PALM2AKAP2: variants seen among roughly 807,000 people sequenced by gnomAD.
PALM2AKAP2 encodes the protein PALM2 and AKAP2 fusion.
Under a neutral mutation model 71.5 loss-of-function variants are expected in PALM2AKAP2, and 37 were observed. The observed-to-expected ratio is 0.52, with a 90% CI of 0.40 to 0.68. PALM2AKAP2 has a LOEUF of 0.68. Ranked by LOEUF, PALM2AKAP2 falls within the 30% of genes least tolerant of loss-of-function variation. The probability of loss-of-function intolerance (pLI) is 0.00; values close to 1 mark genes in which losing one functional copy is unlikely to be tolerated. For missense variants in PALM2AKAP2, 1,224 were observed against 1,191.8 expected, an observed-to-expected ratio of 1.03 and a Z score of -0.40; for synonymous variants, 468 against 478.8, an observed-to-expected ratio of 0.98 and a Z score of 0.29.
intron 1 of PALM2AKAP2, among the ~76,000 whole-genome samples, chr9:109,708,235 C>T (rs770291113): frequency 4.9e-4 from 74 of 152,106 alleles, no homozygotes; most frequent in Non-Finnish European, 8.7e-4. Context: ...TTGTCTCTGG[C>T]CACATCTTTT....
At chr9:110,107,931 CAT>C (rs374282317) in intron 1 of PALM2AKAP2, among the ~76,000 whole-genome samples, 9 of 152,250 alleles carry the variant, frequency 5.9e-5, no homozygotes, top group African/African-American at 1.9e-4. Context: ...GCACAGTGCA[CAT>C]GAGGCAAATT....
chr9:110,007,708 G>A (rs1294916545), intron 6 of PALM2AKAP2, among the ~76,000 whole-genome samples: 1 of 152,144 alleles, frequency 6.6e-6, no homozygotes, highest in African/African-American at 2.4e-5. Context: ...TTCACCCTGT[G>A]AAGGTTCACT....
At chr9:109,884,580 TTATA>T (rs1428293467) in intron 3 of PALM2AKAP2, among the ~76,000 whole-genome samples, 29 of 152,284 alleles carry the variant, frequency 1.9e-4, no homozygotes. Flanking sequence ...GATCTGATCT[TTATA>T]TAATAGGAAT....
exon 2 of PALM2AKAP2, chr9:110,137,707 C>G (rs1835920998): frequency 1.9e-6 from 3 of 1,613,972 alleles, no homozygotes; most frequent in Admixed American, 3.3e-5. Context: ...TCCTGGAGAC[C>G]CTATCCAATG....
chr9:110,074,872 G>A (rs560088254), intron 1 of PALM2AKAP2, among the ~76,000 whole-genome samples: 4 of 152,086 alleles, frequency 2.6e-5, no homozygotes, highest in South Asian at 2.1e-4. Flanking sequence ...GTGTGGTGGC[G>A]TGTGCCTGTA....
At chr9:109,843,624 C>G (rs965884238) in intron 1 of PALM2AKAP2, among the ~76,000 whole-genome samples, 1 of 152,066 alleles carries the variant, frequency 6.6e-6, no homozygotes, top group African/African-American at 2.4e-5. Context: ...AGGGGCTGGC[C>G]CATGAGACAT....
chr9:110,046,989 A>G (rs1833611407), upstream of PALM2AKAP2, among the ~76,000 whole-genome samples: 1 of 152,200 alleles, frequency 6.6e-6, no homozygotes, highest in Non-Finnish European at 1.5e-5. Context: ...AGTTTTTCAC[A>G]TGATATTAAA....
At chr9:110,043,551 C>A (rs1833541575) in intron 7 of PALM2AKAP2, among the ~76,000 whole-genome samples, 1 of 151,750 alleles carries the variant, frequency 6.6e-6, no homozygotes, top group Admixed American at 6.6e-5. Context: ...CATTCCCTTG[C>A]CAAAAATACA....
At chr9:109,893,181 G>A (rs550702831) in intron 3 of PALM2AKAP2, among the ~76,000 whole-genome samples, 20 of 152,176 alleles carry the variant, frequency 1.3e-4, no homozygotes, top group African/African-American at 3.9e-4. Context: ...GCCAAGAAGC[G>A]TCCCATCTCC....
chr9:110,011,014 A>AATATATATATATAT (rs1554737804), intron 6 of PALM2AKAP2, among the ~76,000 whole-genome samples: 13 of 69,576 alleles, frequency 1.9e-4, no homozygotes, highest in African/African-American at 7.8e-4. Context: ...AAAAAAAAAA[A>AATATATATATATAT]ATATATATAT....
intron 1 of PALM2AKAP2, among the ~76,000 whole-genome samples, chr9:110,086,934 A>G (rs551423012): frequency 3.9e-5 from 6 of 152,166 alleles, no homozygotes; most frequent in Non-Finnish European, 5.9e-5. Flanking sequence ...TTGACCCCCT[A>G]CCCATTGCTC....
intron 1 of PALM2AKAP2, among the ~76,000 whole-genome samples, chr9:109,805,253 G>A (rs558940544): frequency 6.6e-6 from 1 of 152,298 alleles, no homozygotes; most frequent in South Asian, 2.1e-4. Context: ...CCAAGCACAG[G>A]GCTCTCCCAG....
intron 1 of PALM2AKAP2, among the ~76,000 whole-genome samples, chr9:109,756,366 T>C (rs1400435943): frequency 6.6e-6 from 1 of 152,212 alleles, no homozygotes; most frequent in East Asian, 1.9e-4. Context: ...GTTCTACTAT[T>C]AATCTTCATC....
intron 3 of PALM2AKAP2, among the ~76,000 whole-genome samples, chr9:109,910,538 C>T (rs1224687555): frequency 2.0e-5 from 3 of 152,200 alleles, no homozygotes; most frequent in Non-Finnish European, 4.4e-5. Context: ...ATATGGAGAA[C>T]ATGGCGTCAT....
At chr9:109,785,043 T>C (rs776006373) in intron 1 of PALM2AKAP2, among the ~76,000 whole-genome samples, 10 of 152,240 alleles carry the variant, frequency 6.6e-5, no homozygotes, top group African/African-American at 1.2e-4. Flanking sequence ...CTGTTATGTC[T>C]GCACATTGGA....
At chr9:109,996,598 A>C (rs1832579954) in intron 6 of PALM2AKAP2, among the ~76,000 whole-genome samples, 1 of 152,346 alleles carries the variant, frequency 6.6e-6, no homozygotes, top group East Asian at 1.9e-4. Flanking sequence ...CATATACAGA[A>C]GGATGTTTAA....
At chr9:109,895,849 C>T (rs1830186568) in intron 3 of PALM2AKAP2, among the ~76,000 whole-genome samples, 1 of 152,092 alleles carries the variant, frequency 6.6e-6, no homozygotes, top group African/African-American at 2.4e-5. Flanking sequence ...GGGAAGCAAA[C>T]ACATCCTTCT....
intron 6 of PALM2AKAP2, among the ~76,000 whole-genome samples, chr9:110,003,893 C>T (rs141739664): frequency 0.012 from 1,884 of 152,144 alleles, 41 homozygotes; most frequent in African/African-American, 0.043. Context: ...TAGATCTTCC[C>T]CCATCCCTTT....
At chr9:109,773,073 G>C (rs572127683) in intron 1 of PALM2AKAP2, among the ~76,000 whole-genome samples, 2 of 152,052 alleles carry the variant, frequency 1.3e-5, no homozygotes, top group African/African-American at 2.4e-5. Context: ...AGCCAAGATC[G>C]TGCCACTGCA....
Sources: allele counts gnomAD v4.1 joint callset (sites outside exome capture counted in the v4.1 genomes callset), GRCh38; gene constraint gnomAD v4.1.1; transcripts MANE v1.5; gene names NCBI Gene and HGNC (gene_info 2026-07-23, HGNC 2026-07-21).